The following CACNG8 variants were observed in gnomAD, a reference collection of about 807,000 sequenced individuals.
CACNG8 encodes the protein calcium voltage-gated channel auxiliary subunit gamma 8.
A neutral mutation model predicts 26.9 loss-of-function variants in CACNG8; 5 were observed. The observed-to-expected ratio is 0.19, with a 90% CI of 0.10 to 0.39. CACNG8 has a LOEUF of 0.39. Ranked by LOEUF, CACNG8 falls within the 10% of genes least tolerant of loss-of-function variation. CACNG8 has a pLI of 1.00. For missense variants in CACNG8, 473 were observed against 609.4 expected, an observed-to-expected ratio of 0.78 and a Z score of 2.36; for synonymous variants, 321 against 296.7, an observed-to-expected ratio of 1.08 and a Z score of -0.84.
chr19:53,975,842 T>C (rs2069327769), intron 1 of CACNG8, among the ~76,000 whole-genome samples: 1 of 152,246 alleles, frequency 6.6e-6, no homozygotes, highest in South Asian at 2.1e-4. Context: ...GACCCTTTTC[T>C]GTTTCTCAGT....
At position 53,973,593 on chromosome 19, in the gene CACNG8, G is replaced by A. The variant is rs565505450; in HGVS notation, c.284-4553G>A. ...TGTACTCCCAGCACTTTGGAAGGCC[G>A]AGGCAGGAGGATCGCCTGAGGTCGG... On this transcript the variant is annotated intron_variant, in intron 1 of 3. Coordinates refer to ENST00000270458, the MANE Select transcript of CACNG8 (RefSeq NM_031895.6). Among the ~76,000 whole-genome samples, 6 of 152,042 alleles carry A rather than the reference G, an allele frequency of 3.9e-5. No individual in the cohort carries two copies. In the South Asian group the frequency reaches 6.2e-4, roughly 16 times the overall value.
In CACNG8 at chr19:53,989,192, A is replaced by G. The variant is rs12979217; in HGVS notation, c.*6343A>G. ...TGAGGCGGGAGGATTGCTTGAGTCC[A>G]GGAGTTTAAGGTTGCAGTGAGCTAT... On this transcript the variant is annotated 3_prime_UTR_variant, in exon 4 of 4. Transcript: ENST00000270458. The G allele has an allele frequency of 0.36, 54,232 of 152,140 alleles. 10,123 individuals carry two copies. Among genetic ancestry groups the G allele is most frequent in the Middle Eastern group, 0.5 (149 of 296 alleles). The allele number at this position is 152,140 out of a possible 1,614,324, so 9.4% of individuals were successfully genotyped here.
chr19:53,982,727 G>C lies in CACNG8; in HGVS notation c.1156G>C (p.Gly386Arg), dbSNP rs1175337469. ...CGGCGGCGTCACGGTCACGGTCACC[G>C]GGCCGCCCGCCCCGCCCGCGCCCGC... Residue 386 changes from glycine to arginine, a missense_variant, in exon 4 of 4, where the codon GGG (glycine) becomes CGG (arginine). By Grantham distance (125) the Gly-to-Arg change is moderately radical. Around this residue, in one of 6 missense-constraint regions of CACNG8, gnomAD observed 212 missense variants for 214.4 expected, o/e 0.99. Transcript: ENST00000270458. The surrounding 1 kb of genome is among the most constrained non-coding windows in gnomAD (Gnocchi z 8.4). 14 of 1,179,442 alleles carry C rather than the reference G, an allele frequency of 1.2e-5. No homozygotes were observed. The highest frequency in any genetic ancestry group is 1.5e-5 in the Non-Finnish European group (14 of 960,318). 73.1% of individuals were successfully genotyped at this position (1,179,442 alleles called of 1,614,324 possible).
chr19:53,970,660 CA>C (rs2069297092), intron 1 of CACNG8, among the ~76,000 whole-genome samples: 1 of 151,472 alleles, frequency 6.6e-6, no homozygotes, highest in African/African-American at 2.4e-5. Context: ...AAGGATGGGC[CA>C]CTGGCTCACC....
In CACNG8 at chr19:53,983,070, G is replaced by T; in HGVS notation, c.*221G>T. The T allele has an allele frequency of 5.4e-6, 1 of 183,978 alleles. No homozygotes were observed. Among genetic ancestry groups the T allele is most frequent in the Non-Finnish European group, 1.1e-5 (1 of 91,594 alleles). The allele number at this position is 183,978 out of a possible 1,614,324, so 11.4% of individuals were successfully genotyped here. A position where few individuals can be genotyped will look rare whatever the true frequency, so the allele number is the denominator to read the frequency against. On this transcript the variant is annotated 3_prime_UTR_variant, in exon 4 of 4. Coordinates refer to ENST00000270458, the MANE Select transcript of CACNG8 (RefSeq NM_031895.6). ...GGGGGCCGCTGTGAGGGAGCGTCGT[G>T]TTTTATTTTTTTGGGGGATCTATGG...
rs545891296 is a variant in CACNG8, at chr19:53,972,232, G to T, written c.284-5914G>T. ...GATGGTCTTGAACTCCTGACCTCAGGTGATCTGCCCACCTCGCCCTCACAA... is the reference window on the plus strand; with the variant it reads ...GATGGTCTTGAACTCCTGACCTCAGTTGATCTGCCCACCTCGCCCTCACAA... On this transcript the variant is annotated intron_variant, in intron 1 of 3. Transcript: ENST00000270458. Among the ~76,000 whole-genome samples, 4 of 152,086 alleles carry T rather than the reference G, an allele frequency of 2.6e-5. No homozygotes were observed. The East Asian group carries it at 7.7e-4, about 29-fold the overall frequency.
Position 53,985,111 on chromosome 19 carries a change from A to C in CACNG8, c.*2262A>C, listed in dbSNP as rs2069399146. 6.6e-6 allele frequency: 1 copy of C among 152,328 alleles called. No individual in the cohort carries two copies. The highest frequency in any genetic ancestry group is 2.4e-5 in the African/African-American group (1 of 41,454). 9.4% of individuals were successfully genotyped at this position (152,328 alleles called of 1,614,324 possible). ...TGAGAAGGCAGAGGGGACAGCGCCC[A>C]GTAGGCTTCCCTTCCATATTTGCTC... On this transcript the variant is annotated 3_prime_UTR_variant, in exon 4 of 4. Coordinates refer to ENST00000270458, the MANE Select transcript of CACNG8 (RefSeq NM_031895.6).
chr19:53,981,511 GGGGGT>G (rs2069368181), intron 3 of CACNG8, among the ~76,000 whole-genome samples: 1 of 152,058 alleles, frequency 6.6e-6, no homozygotes, highest in African/African-American at 2.4e-5. Flanking sequence ...CAGACCATCT[GGGGGT>G]GGGTCCTAGA....
At chr19:53,974,876 G>A (rs2069322030) in intron 1 of CACNG8, among the ~76,000 whole-genome samples, 1 of 150,128 alleles carries the variant, frequency 6.7e-6, no homozygotes, top group Admixed American at 6.7e-5. Context: ...TCTTGACCAC[G>A]TGATCCGCCC....
At chr19:53,975,986 T>C (rs1409435030) in intron 1 of CACNG8, among the ~76,000 whole-genome samples, 2 of 152,204 alleles carry the variant, frequency 1.3e-5, no homozygotes, top group Non-Finnish European at 2.9e-5. Context: ...TCCTGTTCTC[T>C]GCATTTTATA....
intron 2 of CACNG8, among the ~76,000 whole-genome samples, chr19:53,978,737 G>A (rs1031702003): frequency 9.5e-6 from 1 of 105,796 alleles, no homozygotes; most frequent in African/African-American, 3.7e-5. Context: ...GGGGTGGGTG[G>A]AAAGGAAGGA....
rs1474846061 is a variant in CACNG8, at chr19:53,979,870, T to C, written c.371T>C (p.Val124Ala). Residue 124 changes from valine (V) to alanine (A), a missense_variant, in exon 3 of 4, where the codon GTT (valine) becomes GCT (alanine). By Grantham distance (64) the Val-to-Ala change is moderately conservative. Transcript: ENST00000270458. ...TCCTTTCCTTCCTCCCCCGCAGGAGTTGTCCGGGCCTCCAGCATCTTCCCC... is the reference window on the plus strand; with the variant it reads ...TCCTTTCCTTCCTCCCCCGCAGGAGCTGTCCGGGCCTCCAGCATCTTCCCC... 1.8e-5 allele frequency: 28 copies of C among 1,599,400 alleles called. No homozygotes were observed. The highest frequency in any genetic ancestry group is 2.3e-5 in the Non-Finnish European group (27 of 1,171,664).
intron 1 of CACNG8, among the ~76,000 whole-genome samples, chr19:53,966,639 C>T (rs1201409883): frequency 6.6e-6 from 1 of 151,948 alleles, no homozygotes; most frequent in Non-Finnish European, 1.5e-5. Flanking sequence ...AGCAATCCTC[C>T]GGCCTCAGCC....
At chr19:53,980,227 C>T (rs1396535157) in intron 3 of CACNG8, among the ~76,000 whole-genome samples, 1 of 142,618 alleles carries the variant, frequency 7.0e-6, no homozygotes, top group South Asian at 2.2e-4. Flanking sequence ...GTAGTTCTCG[C>T]GTCGCCTTCG....
intron 1 of CACNG8, among the ~76,000 whole-genome samples, chr19:53,966,083 A>T (rs10420420): frequency 0.45 from 64,225 of 142,380 alleles, 13,955 homozygotes; most frequent in East Asian, 0.57. Context: ...TTTAAAAATT[A>T]TTTATTTATT....
intron 3 of CACNG8, among the ~76,000 whole-genome samples, chr19:53,980,538 A>G (rs766583272): frequency 2.0e-5 from 3 of 152,128 alleles, no homozygotes; most frequent in African/African-American, 2.4e-5. Context: ...AGTGGAAACT[A>G]AAGGGGCTGG....
chr19:53,983,105 AG>A lies in CACNG8; in HGVS notation c.*259del, dbSNP rs1770630295. Reference sequence around the variant, plus strand: ...TTTGGGGGATCTATGGGGAGGGGGGAGGGCCATGGTGTTTTTTGCAGTTTCG... The same window carrying A: ...TTTGGGGGATCTATGGGGAGGGGGGAGGCCATGGTGTTTTTTGCAGTTTCG... On this transcript the variant is annotated 3_prime_UTR_variant, in exon 4 of 4. Coordinates refer to ENST00000270458, the MANE Select transcript of CACNG8 (RefSeq NM_031895.6). 1.1e-5 allele frequency: 1 copy of A among 88,002 alleles called. No homozygotes were observed. Among genetic ancestry groups the A allele is most frequent in the Non-Finnish European group, 2.1e-5 (1 of 47,068 alleles). The allele number at this position is 88,002 out of a possible 1,614,324, so 5.5% of individuals were successfully genotyped here.
chr19:53,980,081 TGTGTGC>T lies in CACNG8; in HGVS notation c.508+76_508+81del, dbSNP rs1045248859. The T allele has an allele frequency of 6.3e-5, 80 of 1,279,990 alleles. 1 individual carries two copies. Among genetic ancestry groups the T allele is most frequent in the South Asian group, 3.6e-4 (21 of 58,074 alleles). The allele number at this position is 1,279,990 out of a possible 1,614,324, so 79.3% of individuals were successfully genotyped here. A position where few individuals can be genotyped will look rare whatever the true frequency, so the allele number is the denominator to read the frequency against. On this transcript the variant is annotated intron_variant, in intron 3 of 3. Coordinates refer to ENST00000270458, the MANE Select transcript of CACNG8 (RefSeq NM_031895.6). ...ACGTGTGTGTGTGTGTGTGTGTGTG[TGTGTGC>T]GCGCGCGCGCGTGAGTGCAAGTGCG...
chr19:53,974,236 C>G (rs146315910), intron 1 of CACNG8, among the ~76,000 whole-genome samples: 1 of 152,132 alleles, frequency 6.6e-6, no homozygotes, highest in African/African-American at 2.4e-5. Context: ...GCTTATTTCA[C>G]TGAGTATAAT....
Sources: allele counts gnomAD v4.1 joint callset (sites outside exome capture counted in the v4.1 genomes callset), GRCh38; gene constraint gnomAD v4.1.1; regional missense constraint gnomAD v4.1.1; non-coding constraint Gnocchi (gnomAD v3.1); transcripts MANE v1.5; gene names NCBI Gene and HGNC (gene_info 2026-07-23, HGNC 2026-07-21).